DAP3: variants seen among roughly 807,000 people sequenced by gnomAD.
The protein encoded by DAP3 is death associated protein 3.
Under a neutral mutation model 51.9 loss-of-function variants are expected in DAP3, and 28 were observed. That is an observed-to-expected ratio of 0.54 (90% CI 0.40 to 0.74). The LOEUF (loss-of-function observed/expected upper bound fraction) is 0.74, where lower values mean the gene tolerates loss of function less well. Ranked by LOEUF, DAP3 falls within the 30% of genes least tolerant of loss-of-function variation. The probability of loss-of-function intolerance (pLI) is 0.00; values close to 1 mark genes in which losing one functional copy is unlikely to be tolerated. For missense variants in DAP3, 458 were observed against 483.5 expected (o/e 0.95, Z 0.49); for synonymous variants, 170 against 170.3 (o/e 1.00, Z 0.01).
At position 155,726,018 on chromosome 1, in the gene DAP3, T is replaced by C; in HGVS notation, c.471T>C (p.Asp157=). 1.2e-6 allele frequency: 2 copies of C among 1,613,030 alleles called. No homozygotes were observed. The highest frequency in any genetic ancestry group is 1.1e-5 in the South Asian group (1 of 91,022). The change falls in exon 6 of 13, where the codon GAT becomes GAC. Residue 157 remains aspartate, a splice_region_variant and synonymous_variant. Coordinates refer to ENST00000368336, the MANE Select transcript of DAP3 (RefSeq NM_004632.4). ...KQDWLILHIP[D]AHLWVKNCRD... Reference sequence around the variant, plus strand: ...ACTGGCTGATACTACATATTCCAGATGGTAAGAACTTCCTGTTGTTTCTTC... The same window carrying C: ...ACTGGCTGATACTACATATTCCAGACGGTAAGAACTTCCTGTTGTTTCTTC...
At chr1:155,707,839 G>A (rs1001037662) in intron 1 of DAP3, among the ~76,000 whole-genome samples, 5 of 152,136 alleles carry the variant, frequency 3.3e-5, no homozygotes, top group South Asian at 2.1e-4. Context: ...ATGTAATAGC[G>A]TTCACTCAGT....
chr1:155,729,522 G>A (rs1003628014), intron 9 of DAP3, among the ~76,000 whole-genome samples, 156 bp downstream of exon 9: 1 of 152,218 alleles, frequency 6.6e-6, no homozygotes, highest in South Asian at 2.1e-4. Flanking sequence ...GCTCACGCCT[G>A]TAATCCCATT....
In DAP3 at chr1:155,725,583, C is replaced by T. The variant is rs1375190866; in HGVS notation, c.379+93C>T. The T allele has an allele frequency of 2.5e-6, 3 of 1,219,600 alleles. No homozygotes were observed. In the Admixed American group the frequency reaches 5.3e-5, roughly 21 times the overall value. 75.5% of individuals were successfully genotyped at this position (1,219,600 alleles called of 1,614,324 possible). A position where few individuals can be genotyped will look rare whatever the true frequency, so the allele number is the denominator to read the frequency against. On this transcript the variant is annotated intron_variant, in intron 5 of 12. Transcript: ENST00000368336. ...GAAATGAAAAAAAGTACTGTTGAGG[C>T]CGGGCATGGTAGCTCACACCTATAA...
intron 1 of DAP3, among the ~76,000 whole-genome samples, chr1:155,700,803 C>A (rs1433402638): frequency 7.8e-6 from 1 of 128,624 alleles, no homozygotes. Flanking sequence ...GGTGCCTCTG[C>A]CCGGCCGCCC....
chr1:155,730,718 G>A (rs1374437377), intron 9 of DAP3, among the ~76,000 whole-genome samples: 1 of 152,142 alleles, frequency 6.6e-6, no homozygotes, highest in Non-Finnish European at 1.5e-5. Context: ...AGTATGTTGT[G>A]GAAAGAGAAT....
intron 2 of DAP3, among the ~76,000 whole-genome samples, chr1:155,716,763 T>A (rs963240267): frequency 2.0e-5 from 3 of 151,576 alleles, no homozygotes; most frequent in Non-Finnish European, 4.4e-5. Flanking sequence ...CTGGCCCATA[T>A]GGTGAAATCT....
intron 11 of DAP3, 200 bp downstream of exon 11, chr1:155,732,233 CTTT>C (rs202209826): frequency 7.3e-4 from 201 of 275,756 alleles, no homozygotes; most frequent in Middle Eastern, 2.4e-3. Flanking sequence ...AGTTTCTTTT[CTTT>C]TTTTTTTTTT....
chr1:155,715,215 A>C (rs1381880854), intron 2 of DAP3, among the ~76,000 whole-genome samples: 4 of 147,638 alleles, frequency 2.7e-5, no homozygotes, highest in African/African-American at 7.5e-5. Flanking sequence ...AAAAAAAAAA[A>C]AAACCCACAA....
chr1:155,707,425 A>C (rs1156608822), intron 1 of DAP3, among the ~76,000 whole-genome samples: 1 of 152,068 alleles, frequency 6.6e-6, no homozygotes, highest in Non-Finnish European at 1.5e-5. Flanking sequence ...AAAAAAAAAA[A>C]AAATTTATAG....
At chr1:155,713,097 G>C (rs1463511503) in intron 2 of DAP3, among the ~76,000 whole-genome samples, 3 of 152,150 alleles carry the variant, frequency 2.0e-5, no homozygotes, top group Non-Finnish European at 4.4e-5. Flanking sequence ...TGGATGGAGG[G>C]ACAAAAGTTT....
chr1:155,721,775 C>A, intron 4 of DAP3, 157 bp downstream of exon 4: 1 of 641,992 alleles, frequency 1.6e-6, no homozygotes, highest in South Asian at 2.0e-5. Context: ...AGTACAATTA[C>A]TTTAAGCTCA....
chr1:155,688,445 C>T, upstream of DAP3: 1 of 1,548,924 alleles, frequency 6.5e-7, no homozygotes, highest in Non-Finnish European at 8.7e-7. Context: ...CGGTCCCCCG[C>T]TTCGCCCGAC....
intron 1 of DAP3, among the ~76,000 whole-genome samples, chr1:155,703,853 G>C (rs895260846): frequency 1.3e-5 from 2 of 152,138 alleles, no homozygotes; most frequent in African/African-American, 4.8e-5. Context: ...TTTTTAACTT[G>C]AAAACTAGTG....
At chr1:155,694,494 TTTG>T (rs1036299574) in intron 1 of DAP3, among the ~76,000 whole-genome samples, 2 of 141,378 alleles carry the variant, frequency 1.4e-5, no homozygotes, top group Non-Finnish European at 2.9e-5. Context: ...GTTAGTGGTT[TTTG>T]TTGTGTTTTC....
upstream of DAP3, chr1:155,688,814 A>C: frequency 3.8e-6 from 6 of 1,563,616 alleles, no homozygotes; most frequent in Non-Finnish European, 5.2e-6. Flanking sequence ...CCACCGCGGG[A>C]CTGTTCCATT....
At chr1:155,734,168 A>C (rs893013088) in intron 11 of DAP3, among the ~76,000 whole-genome samples, 1 of 152,006 alleles carries the variant, frequency 6.6e-6, no homozygotes, top group Non-Finnish European at 1.5e-5. Context: ...ACAGGAAAAA[A>C]AGCTCCTTCA....
At chr1:155,737,785 T>C (rs1394731750) in intron 12 of DAP3, among the ~76,000 whole-genome samples, 2 of 143,062 alleles carry the variant, frequency 1.4e-5, no homozygotes, top group African/African-American at 5.1e-5. Flanking sequence ...AAAAAAAAAA[T>C]ACTATTTAGA....
At chr1:155,697,744 A>T (rs1465121507) in intron 1 of DAP3, among the ~76,000 whole-genome samples, 1 of 152,146 alleles carries the variant, frequency 6.6e-6, no homozygotes, top group Non-Finnish European at 1.5e-5. Flanking sequence ...TAAACATCTT[A>T]ACAGGAAACA....
chr1:155,698,550 A>G (rs938490053), intron 1 of DAP3, among the ~76,000 whole-genome samples: 1 of 152,108 alleles, frequency 6.6e-6, no homozygotes, highest in South Asian at 2.1e-4. Context: ...CTCATCATCT[A>G]TCTGAAAAGC....
Sources: allele counts gnomAD v4.1 joint callset (sites outside exome capture counted in the v4.1 genomes callset), GRCh38; gene constraint gnomAD v4.1.1; transcripts MANE v1.5; gene names NCBI Gene and HGNC (gene_info 2026-07-23, HGNC 2026-07-21).